Variants in RIMS2 observed in about 807,000 individuals in gnomAD.
RIMS2 encodes regulating synaptic membrane exocytosis protein 2.
RIMS2 carries 59 observed loss-of-function variants against 174.4 expected under a neutral mutation model. That is an observed-to-expected ratio of 0.34 (90% CI 0.27 to 0.42). The LOEUF is 0.42. Among genes scored for constraint, RIMS2 ranks in the 10% least tolerant of loss-of-function variants. The pLI is 1.00. For synonymous variants in RIMS2, 606 were observed against 572.5 expected, an observed-to-expected ratio of 1.06 and a Z score of -0.84; for missense variants, 1,620 against 1,666.3, an observed-to-expected ratio of 0.97 and a Z score of 0.48.
chr8:103,634,404 T>C (rs2096022290), intron 1 of RIMS2, among the ~76,000 whole-genome samples: 1 of 152,236 alleles, frequency 6.6e-6, no homozygotes, highest in Non-Finnish European at 1.5e-5. Flanking sequence ...TGATTTCAGT[T>C]CTTTTACATT....
chr8:104,109,314 A>AG (rs1249755126), intron 19 of RIMS2, among the ~76,000 whole-genome samples: 123 of 151,480 alleles, frequency 8.1e-4, no homozygotes, highest in African/African-American at 2.7e-3. Context: ...AAAAAAAAAA[A>AG]AAAGAAATAA....
intron 11 of RIMS2, among the ~76,000 whole-genome samples, chr8:103,928,845 A>C (rs2154531194): frequency 6.6e-6 from 1 of 151,590 alleles, no homozygotes; most frequent in African/African-American, 2.4e-5. Context: ...TGTCAGGACC[A>C]GAATTGTGAA....
At chr8:103,808,256 A>ACT (rs1396645848) in intron 3 of RIMS2, among the ~76,000 whole-genome samples, 1 of 151,366 alleles carries the variant, frequency 6.6e-6, no homozygotes, top group African/African-American at 2.4e-5. Context: ...GGGCTACCAC[A>ACT]CTCTCTCTCT....
chr8:104,052,940 T>C (rs2154559087), intron 19 of RIMS2, among the ~76,000 whole-genome samples: 1 of 152,234 alleles, frequency 6.6e-6, no homozygotes, highest in Admixed American at 6.5e-5. Flanking sequence ...GCAAAGTAGC[T>C]TGATAAAGAG....
chr8:103,527,389 A>T (rs1039555032), intron 1 of RIMS2, among the ~76,000 whole-genome samples: 3 of 151,958 alleles, frequency 2.0e-5, no homozygotes, highest in Non-Finnish European at 4.4e-5. Flanking sequence ...TTTATTTTTT[A>T]TTTATTTATT....
intron 1 of RIMS2, among the ~76,000 whole-genome samples, chr8:103,565,828 G>T (rs1382482467): frequency 6.6e-6 from 1 of 152,150 alleles, no homozygotes; most frequent in African/African-American, 2.4e-5. Flanking sequence ...ACACCTTTGC[G>T]AGAGAGTTCA....
intron 1 of RIMS2, among the ~76,000 whole-genome samples, chr8:103,515,386 G>C (rs984780180): frequency 6.6e-6 from 1 of 152,118 alleles, no homozygotes; most frequent in Non-Finnish European, 1.5e-5. Flanking sequence ...ACTCAGTTAA[G>C]CCATTTTTTG....
intron 3 of RIMS2, among the ~76,000 whole-genome samples, chr8:103,817,740 C>A (rs904931977): frequency 6.6e-6 from 1 of 151,952 alleles, no homozygotes; most frequent in African/African-American, 2.4e-5. Flanking sequence ...TACACTTCAG[C>A]CTGGGTGACA....
At chr8:104,068,134 C>T (rs900476543) in intron 19 of RIMS2, among the ~76,000 whole-genome samples, 2 of 152,080 alleles carry the variant, frequency 1.3e-5, no homozygotes, top group African/African-American at 4.8e-5. Flanking sequence ...ACTTTAATAC[C>T]TATAAATAAA....
chr8:104,136,481 A>G (rs1032892405), intron 19 of RIMS2, among the ~76,000 whole-genome samples: 2 of 152,208 alleles, frequency 1.3e-5, no homozygotes, highest in Admixed American at 1.3e-4. Context: ...ATAACTTTCA[A>G]TTTAGTGCCA....
chr8:104,002,430 G>A (rs758171183), intron 17 of RIMS2, among the ~76,000 whole-genome samples: 7 of 151,758 alleles, frequency 4.6e-5, no homozygotes, highest in Non-Finnish European at 8.8e-5. Context: ...AATTGTTTTT[G>A]GACTAGATTA....
intron 1 of RIMS2, among the ~76,000 whole-genome samples, chr8:103,507,343 G>A (rs914475603): frequency 6.6e-6 from 1 of 151,978 alleles, no homozygotes; most frequent in Non-Finnish European, 1.5e-5. Flanking sequence ...TTTATGGTCT[G>A]TCCACTCTGC....
Position 103,519,542 on chromosome 8 carries a change from T to G in RIMS2, c.176+18480T>G, listed in dbSNP as rs146226458. Reference sequence around the variant, plus strand: ...GCTCTTACCCCACAATTCTCATTTATTTCTCTGATTCATGGTTAATCTTTG... The same window carrying G: ...GCTCTTACCCCACAATTCTCATTTAGTTCTCTGATTCATGGTTAATCTTTG... On this transcript the variant is annotated intron_variant, in intron 1 of 23. Coordinates refer to ENST00000504942, the Ensembl canonical transcript of RIMS2. Among the ~76,000 whole-genome samples, 35 of 152,260 alleles carry G rather than the reference T, an allele frequency of 2.3e-4. 1 individual carries two copies. In the East Asian group the frequency reaches 5.2e-3, roughly 23 times the overall value.
intron 2 of RIMS2, among the ~76,000 whole-genome samples, chr8:103,756,193 G>A (rs947174385): frequency 6.6e-6 from 1 of 152,104 alleles, no homozygotes; most frequent in African/African-American, 2.4e-5. Flanking sequence ...TCACTCATCT[G>A]CAGATCTGTT....
At chr8:104,220,149 C>T (rs946452819) in intron 19 of RIMS2, among the ~76,000 whole-genome samples, 12 of 151,874 alleles carry the variant, frequency 7.9e-5, no homozygotes, top group Middle Eastern at 3.4e-3. Context: ...TCTCTGGTAC[C>T]TCTGTGCCAA....
At chr8:103,815,824 G>A in intron 3 of RIMS2, among the ~76,000 whole-genome samples, 1 of 152,036 alleles carries the variant, frequency 6.6e-6, no homozygotes, top group East Asian at 1.9e-4. Context: ...TCCAAACACT[G>A]TATACTTTAT....
chr8:103,595,833 C>T (rs540697829), intron 1 of RIMS2, among the ~76,000 whole-genome samples: 1 of 152,042 alleles, frequency 6.6e-6, no homozygotes, highest in East Asian at 1.9e-4. Flanking sequence ...TGAGGACTTC[C>T]TCTTCGATCC....
At chr8:103,638,622 T>C (rs1182863047) in intron 1 of RIMS2, among the ~76,000 whole-genome samples, 1 of 152,112 alleles carries the variant, frequency 6.6e-6, no homozygotes, top group Non-Finnish European at 1.5e-5. Context: ...TTTGACATAC[T>C]CCATGTTTTT....
chr8:103,514,389 G>A (rs1484368109), intron 1 of RIMS2, among the ~76,000 whole-genome samples: 1 of 152,058 alleles, frequency 6.6e-6, no homozygotes, highest in South Asian at 2.1e-4. Context: ...TCCACATGTA[G>A]AAAACAATAA....
Sources: gnomAD v4.1 joint callset for allele counts (sites outside exome capture counted in the v4.1 genomes callset) on GRCh38, gnomAD v4.1.1 for gene constraint, MANE v1.5 for transcripts, NCBI Gene and HGNC (gene_info 2026-07-23, HGNC 2026-07-21) for gene names.